The following CCDC60 variants were observed in gnomAD, a reference collection of about 807,000 sequenced individuals.
The protein encoded by CCDC60 is coiled-coil domain-containing protein 60.
CCDC60 carries 54 observed loss-of-function variants against 63.5 expected under a neutral mutation model. The ratio of observed to expected loss-of-function variants is 0.85; its 90% CI spans 0.68 to 1.07. CCDC60 has a LOEUF of 1.07. Ranked by LOEUF, CCDC60 falls within the 50% of genes least tolerant of loss-of-function variation. The pLI, the probability that CCDC60 is intolerant of heterozygous loss-of-function variation, is 0.00. For synonymous variants in CCDC60, 206 were observed against 238.8 expected, an observed-to-expected ratio of 0.86 and a Z score of 1.27; for missense variants, 651 against 684.3, an observed-to-expected ratio of 0.95 and a Z score of 0.54.
rs970561757 is a variant in CCDC60 at position 119,456,402 on chromosome 12, C to T, written c.171-15592C>T. On this transcript the variant is annotated intron_variant, in intron 2 of 13. Coordinates refer to ENST00000327554, the MANE Select transcript of CCDC60 (RefSeq NM_178499.5). The surrounding 1 kb of genome is among the most constrained non-coding windows in gnomAD (Gnocchi z 4.6). Reference sequence around the variant, plus strand: ...AATAGAGTTGACATCACTTCATGATCAATTAACTGGATATGAAAGGGGTCA... The same window carrying T: ...AATAGAGTTGACATCACTTCATGATTAATTAACTGGATATGAAAGGGGTCA... Among the ~76,000 whole-genome samples the T allele has an allele frequency of 5.3e-5, 8 of 152,148 alleles. No homozygotes were observed. Among genetic ancestry groups the T allele is most frequent in the South Asian group, 2.1e-4 (1 of 4,818 alleles).
At chr12:119,431,430 A>T (rs921204213) in intron 2 of CCDC60, among the ~76,000 whole-genome samples, 3 of 152,152 alleles carry the variant, frequency 2.0e-5, no homozygotes, top group African/African-American at 7.2e-5. Flanking sequence ...ATCTGTCTGC[A>T]TGGTGCCAGC....
intron 1 of CCDC60, among the ~76,000 whole-genome samples, chr12:119,381,995 C>T (rs567894577): frequency 1.3e-5 from 2 of 152,308 alleles, no homozygotes; most frequent in African/African-American, 4.8e-5. Context: ...CTGACACCTT[C>T]TCATGACCTT....
chr12:119,385,115 T>C (rs542917010), intron 1 of CCDC60, among the ~76,000 whole-genome samples: 1 of 152,340 alleles, frequency 6.6e-6, no homozygotes, highest in African/African-American at 2.4e-5. Flanking sequence ...ATGGTCTGTG[T>C]CCCATAGGTA....
intron 4 of CCDC60, 40 bp downstream of exon 4, chr12:119,479,241 T>C: frequency 6.8e-7 from 1 of 1,462,224 alleles, no homozygotes. Context: ...TTTGCTAGCT[T>C]ATAAATTGAA....
chr12:119,537,440 G>A (rs943577205), intron 13 of CCDC60, among the ~76,000 whole-genome samples: 3 of 152,158 alleles, frequency 2.0e-5, no homozygotes, highest in Non-Finnish European at 4.4e-5. Flanking sequence ...TCTCCATCCC[G>A]CTTTGTTCCA....
At chr12:119,521,565 C>A (rs1952530699) in intron 9 of CCDC60, among the ~76,000 whole-genome samples, 1 of 152,060 alleles carries the variant, frequency 6.6e-6, no homozygotes, top group Non-Finnish European at 1.5e-5. Context: ...ATAGTGTGTG[C>A]AAAGGTCCTG....
At chr12:119,340,814 G>C (rs187137024) in intron 1 of CCDC60, among the ~76,000 whole-genome samples, 1 of 152,108 alleles carries the variant, frequency 6.6e-6, no homozygotes. Flanking sequence ...TGACGTCAGC[G>C]CTCAGTGATC....
At chr12:119,370,314 G>A (rs562663289) in intron 1 of CCDC60, among the ~76,000 whole-genome samples, 5 of 152,330 alleles carry the variant, frequency 3.3e-5, no homozygotes, top group African/African-American at 9.6e-5. Context: ...AGTGCGCCCC[G>A]TGGTGCATTC....
chr12:119,497,606 G>A lies in CCDC60; in HGVS notation c.558-2472G>A, dbSNP rs1274603839. Among the ~76,000 whole-genome samples, 5 of 152,184 alleles carry A rather than the reference G, an allele frequency of 3.3e-5. No homozygotes were observed. In the East Asian group the frequency reaches 9.6e-4, roughly 29 times the overall value. On this transcript the variant is annotated intron_variant, in intron 5 of 13. Transcript: ENST00000327554. ...GACCTGAATAGTTAAGATTTTGAAA[G>A]CTTTGCTGGGACCAGATTTAATTTT... is the stretch of plus-strand genomic sequence containing the variant.
chr12:119,531,683 G>T (rs915025281), intron 13 of CCDC60, among the ~76,000 whole-genome samples: 1 of 152,210 alleles, frequency 6.6e-6, no homozygotes, highest in Non-Finnish European at 1.5e-5. Context: ...GGCACTCAGT[G>T]AGTATGGAAG....
intron 2 of CCDC60, among the ~76,000 whole-genome samples, chr12:119,471,051 A>G (rs574631292): frequency 5.3e-5 from 8 of 152,344 alleles, no homozygotes; most frequent in Admixed American, 2.6e-4. Flanking sequence ...AAGTGGGCAG[A>G]CAGAAAGAAA....
intron 2 of CCDC60, among the ~76,000 whole-genome samples, chr12:119,433,861 C>T (rs1194890453): frequency 6.6e-6 from 1 of 152,158 alleles, no homozygotes; most frequent in African/African-American, 2.4e-5. Flanking sequence ...GTCAGATGTT[C>T]AGTGGCACTA....
Position 119,441,171 on chromosome 12 carries a change from A to C in CCDC60, c.170+12409A>C, listed in dbSNP as rs146168026. 3.1e-3 allele frequency among the ~76,000 whole-genome samples: 478 copies of C among 152,282 alleles called. 3 individuals are homozygous for C. The highest frequency in any genetic ancestry group is 0.011 in the African/African-American group (454 of 41,562). ...TTTAGGGACAGCTGAAGCAAACATG[A>C]TACAGGGCGGGGGGAGTCAGGATGT... On this transcript the variant is annotated intron_variant, in intron 2 of 13. Coordinates refer to ENST00000327554, the MANE Select transcript of CCDC60 (RefSeq NM_178499.5).
At chr12:119,534,445 A>C (rs1258061643) in intron 13 of CCDC60, among the ~76,000 whole-genome samples, 1 of 152,190 alleles carries the variant, frequency 6.6e-6, no homozygotes, top group Non-Finnish European at 1.5e-5. Context: ...AGAACTTCCA[A>C]CACTATGTTG....
At chr12:119,513,897 T>C (rs953769879) in intron 7 of CCDC60, among the ~76,000 whole-genome samples, 2 of 152,218 alleles carry the variant, frequency 1.3e-5, no homozygotes, top group African/African-American at 4.8e-5. Context: ...TTTATATAAG[T>C]ACTACACTTT....
chr12:119,339,922 C>A (rs1047971114), intron 1 of CCDC60, among the ~76,000 whole-genome samples: 14 of 152,158 alleles, frequency 9.2e-5, no homozygotes, highest in African/African-American at 2.7e-4. Flanking sequence ...AGAGTAGATT[C>A]TTCGGCAAAC....
At chr12:119,537,050 A>G (rs1323308113) in intron 13 of CCDC60, among the ~76,000 whole-genome samples, 1 of 152,198 alleles carries the variant, frequency 6.6e-6, no homozygotes, top group Non-Finnish European at 1.5e-5. Context: ...AGGTACACCA[A>G]TCAAACATAG....
chr12:119,365,566 G>A (rs538996783), intron 1 of CCDC60, among the ~76,000 whole-genome samples: 3 of 152,302 alleles, frequency 2.0e-5, no homozygotes, highest in Non-Finnish European at 4.4e-5. Flanking sequence ...CTAAAAGAAA[G>A]CAAGATCAGA....
At chr12:119,463,971 C>T (rs1323866726) in intron 2 of CCDC60, among the ~76,000 whole-genome samples, 2 of 152,096 alleles carry the variant, frequency 1.3e-5, no homozygotes, top group African/African-American at 4.8e-5. Flanking sequence ...TCCTTCTTTC[C>T]TCTCTTCCTT....
Sources: allele counts gnomAD v4.1 joint callset (sites outside exome capture counted in the v4.1 genomes callset), GRCh38; gene constraint gnomAD v4.1.1; non-coding constraint Gnocchi (gnomAD v3.1); transcripts MANE v1.5; gene names NCBI Gene and HGNC (gene_info 2026-07-23, HGNC 2026-07-21).